SUCLG2: variants seen among roughly 807,000 people sequenced by gnomAD.
The protein encoded by SUCLG2 is succinate--CoA ligase [GDP-forming] subunit beta, mitochondrial.
Under a neutral mutation model 47.9 loss-of-function variants are expected in SUCLG2, and 42 were observed. The ratio of observed to expected loss-of-function variants is 0.88; its 90% CI spans 0.69 to 1.14. The LOEUF is 1.14. SUCLG2 is among the 50% of genes most tolerant of loss of function. The pLI is 0.00. For synonymous variants in SUCLG2, 195 were observed against 197.3 expected (o/e 0.99, Z 0.10); for missense variants, 571 against 525.9 (o/e 1.09, Z -0.84).
intron 2 of SUCLG2, among the ~76,000 whole-genome samples, chr3:67,538,920 C>T (rs553055145): frequency 2.8e-4 from 42 of 152,314 alleles, no homozygotes; most frequent in Middle Eastern, 3.4e-3. Context: ...TATCCTGAGA[C>T]TTCGCTGAAG....
chr3:67,497,386 T>C (rs1705375451), intron 8 of SUCLG2, among the ~76,000 whole-genome samples: 1 of 152,166 alleles, frequency 6.6e-6, no homozygotes, highest in Non-Finnish European at 1.5e-5. Context: ...CAGAAGCATA[T>C]AAATCTGAGC....
chr3:67,573,510 T>G (rs1707668014), intron 2 of SUCLG2, among the ~76,000 whole-genome samples: 1 of 152,200 alleles, frequency 6.6e-6, no homozygotes, highest in South Asian at 2.1e-4. Context: ...CTTAACACAA[T>G]GTATTATCTT....
chr3:67,552,186 AAAAAAAG>A (rs1707033361), intron 2 of SUCLG2, among the ~76,000 whole-genome samples: 1 of 150,856 alleles, frequency 6.6e-6, no homozygotes. Context: ...AAAAAAAAAA[AAAAAAAG>A]AAAAAAGAAA....
chr3:67,488,761 C>T (rs576179626), intron 9 of SUCLG2, among the ~76,000 whole-genome samples: 60 of 152,212 alleles, frequency 3.9e-4, no homozygotes, highest in South Asian at 1.7e-3. Context: ...AAAACAACAA[C>T]CCTAACTCTT....
At chr3:67,594,124 G>A (rs184425384) in intron 2 of SUCLG2, among the ~76,000 whole-genome samples, 138 of 152,190 alleles carry the variant, frequency 9.1e-4, no homozygotes, top group African/African-American at 3.2e-3. Context: ...GCCCAGAGAG[G>A]GCCACCTCAA....
At chr3:67,549,046 A>T (rs1706940106) in intron 2 of SUCLG2, among the ~76,000 whole-genome samples, 1 of 152,212 alleles carries the variant, frequency 6.6e-6, no homozygotes, top group Non-Finnish European at 1.5e-5. Flanking sequence ...GAAACAATTC[A>T]TTATTTATAT....
intron 1 of SUCLG2, among the ~76,000 whole-genome samples, chr3:67,629,480 G>T (rs1700890040): frequency 6.6e-6 from 1 of 151,984 alleles, no homozygotes; most frequent in Admixed American, 6.6e-5. Flanking sequence ...TGGAAGAGAT[G>T]CAATAGAACA....
rs556443752 is a variant in SUCLG2 at position 67,574,744 on chromosome 3, A to G, written c.226+34711T>C. Among the ~76,000 whole-genome samples the G allele has an allele frequency of 7.2e-5, 11 of 152,322 alleles. 1 individual carries two copies. In the South Asian group the frequency reaches 1.9e-3, roughly 26 times the overall value. ...GTTAAAATTCAACTTATAGACTTCA[A>G]ATGGCACTACTAGAAACATGAAATG... On this transcript the variant is annotated intron_variant, in intron 2 of 10. Coordinates refer to ENST00000307227, the MANE Select transcript of SUCLG2 (RefSeq NM_003848.4).
intron 10 of SUCLG2, among the ~76,000 whole-genome samples, chr3:67,389,442 C>A (rs552612756): frequency 6.6e-6 from 1 of 152,272 alleles, no homozygotes; most frequent in Admixed American, 6.5e-5. Flanking sequence ...ACATGCAGAA[C>A]TGTGGTTTTC....
Position 67,399,940 on chromosome 3 carries a change from G to T in SUCLG2, c.1183+791C>A, listed in dbSNP as rs574486939. On this transcript the variant is annotated intron_variant, in intron 10 of 10. Coordinates refer to ENST00000307227, the MANE Select transcript of SUCLG2 (RefSeq NM_003848.4). Reference sequence around the variant, plus strand: ...TTAAGCCTATAATCCCAACATTTTGGGAGGCTGAGGCAGGAGGATCACTTG... The same window carrying T: ...TTAAGCCTATAATCCCAACATTTTGTGAGGCTGAGGCAGGAGGATCACTTG... Among the ~76,000 whole-genome samples the T allele has an allele frequency of 2.6e-4, 39 of 152,218 alleles. No individual in the cohort carries two copies. The South Asian group carries it at 7.7e-3, about 30-fold the overall frequency.
At chr3:67,441,365 T>TA (rs35082631) in intron 9 of SUCLG2, among the ~76,000 whole-genome samples, 96 of 140,464 alleles carry the variant, frequency 6.8e-4, no homozygotes, top group East Asian at 1.9e-3. Context: ...TCTCAGAACT[T>TA]AAAAAAAAAA....
chr3:67,640,699 C>T (rs1701087114), intron 1 of SUCLG2, among the ~76,000 whole-genome samples: 1 of 152,226 alleles, frequency 6.6e-6, no homozygotes, highest in Non-Finnish European at 1.5e-5. Context: ...GCTCCTTTTT[C>T]AACTACTGCT....
At chr3:67,422,620 A>AATCT in intron 9 of SUCLG2, among the ~76,000 whole-genome samples, 1 of 152,094 alleles carries the variant, frequency 6.6e-6, no homozygotes, top group Admixed American at 6.6e-5. Flanking sequence ...CTAATTTTAT[A>AATCT]ATCTAGTGGT....
intron 9 of SUCLG2, among the ~76,000 whole-genome samples, chr3:67,476,683 C>T (rs541228322): frequency 1.3e-5 from 2 of 152,234 alleles, no homozygotes; most frequent in African/African-American, 4.8e-5. Context: ...TCCCTGGTAC[C>T]AAAATGGTTG....
chr3:67,620,677 T>C (rs1300443554), intron 1 of SUCLG2, among the ~76,000 whole-genome samples: 1 of 151,504 alleles, frequency 6.6e-6, no homozygotes, highest in East Asian at 1.9e-4. Context: ...GTGGTCACCT[T>C]TAAAGAAATG....
chr3:67,378,736 A>G (rs1312070050), intron 10 of SUCLG2, among the ~76,000 whole-genome samples: 2 of 152,216 alleles, frequency 1.3e-5, no homozygotes, highest in Non-Finnish European at 2.9e-5. Flanking sequence ...GCTGATAGGT[A>G]AGTAACACAG....
chr3:67,505,125 G>A (rs568521098), intron 7 of SUCLG2, among the ~76,000 whole-genome samples: 5 of 152,290 alleles, frequency 3.3e-5, no homozygotes, highest in African/African-American at 9.6e-5. Flanking sequence ...GACCCAAGCA[G>A]GGTCAATGAG....
chr3:67,389,413 T>C (rs1428249827), intron 10 of SUCLG2, among the ~76,000 whole-genome samples: 1 of 152,152 alleles, frequency 6.6e-6, no homozygotes, highest in Non-Finnish European at 1.5e-5. Context: ...ATGGTCATTT[T>C]AAAGGCCCTT....
At chr3:67,575,548 G>C (rs1378148838) in intron 2 of SUCLG2, among the ~76,000 whole-genome samples, 2 of 152,114 alleles carry the variant, frequency 1.3e-5, no homozygotes, top group Non-Finnish European at 2.9e-5. Context: ...ACATCAAACA[G>C]GCATTAGGGA....
Sources: allele counts gnomAD v4.1 joint callset (sites outside exome capture counted in the v4.1 genomes callset), GRCh38; gene constraint gnomAD v4.1.1; transcripts MANE v1.5; gene names NCBI Gene and HGNC (gene_info 2026-07-23, HGNC 2026-07-21).